The following SPOCK3 variants were observed in gnomAD, a reference collection of about 807,000 sequenced individuals.
SPOCK3 encodes the protein testican-3.
SPOCK3 carries 30 observed loss-of-function variants against 56.6 expected under a neutral mutation model. That is an observed-to-expected ratio of 0.53 (90% CI 0.40 to 0.72). The LOEUF is 0.72. Ranked by LOEUF, SPOCK3 falls within the 30% of genes least tolerant of loss-of-function variation. The pLI, the probability that SPOCK3 is intolerant of heterozygous loss-of-function variation, is 0.00. For synonymous variants in SPOCK3, 196 were observed against 183.3 expected, an observed-to-expected ratio of 1.07 and a Z score of -0.56; for missense variants, 527 against 530.0, an observed-to-expected ratio of 0.99 and a Z score of 0.06.
intron 2 of SPOCK3, among the ~76,000 whole-genome samples, chr4:167,079,849 T>C (rs970071422): frequency 6.6e-6 from 1 of 152,032 alleles, no homozygotes; most frequent in African/African-American, 2.4e-5. Flanking sequence ...CTTGGTGATA[T>C]GATATTTAAA....
At chr4:166,927,175 T>G (rs1272273618) in intron 4 of SPOCK3, among the ~76,000 whole-genome samples, 1 of 152,210 alleles carries the variant, frequency 6.6e-6, no homozygotes, top group East Asian at 1.9e-4. Context: ...ACCTGACTAG[T>G]AAAATTATCC....
At chr4:167,085,462 T>A (rs866509958) in intron 2 of SPOCK3, among the ~76,000 whole-genome samples, 1 of 152,266 alleles carries the variant, frequency 6.6e-6, no homozygotes. Flanking sequence ...TAAGAGGTCA[T>A]GAATTTGGTG....
intron 3 of SPOCK3, among the ~76,000 whole-genome samples, chr4:167,004,656 G>A (rs1232056833): frequency 5.3e-5 from 8 of 152,160 alleles, no homozygotes; most frequent in Non-Finnish European, 1.2e-4. Flanking sequence ...AGATAAATGG[G>A]TGTGAAGATG....
chr4:167,223,253 AAT>A (rs1736240259), intron 2 of SPOCK3, among the ~76,000 whole-genome samples: 2 of 141,412 alleles, frequency 1.4e-5, no homozygotes, highest in African/African-American at 2.6e-5. Flanking sequence ...TTCATTTATA[AAT>A]ATATGTATAT....
At chr4:167,080,699 CAT>C (rs1757622637) in intron 2 of SPOCK3, among the ~76,000 whole-genome samples, 1 of 151,832 alleles carries the variant, frequency 6.6e-6, no homozygotes, top group Admixed American at 6.6e-5. Context: ...TGATGGTAGT[CAT>C]ACTATCTACC....
intron 2 of SPOCK3, among the ~76,000 whole-genome samples, chr4:167,116,880 T>C (rs1460407538): frequency 1.5e-5 from 2 of 137,156 alleles, no homozygotes; most frequent in Non-Finnish European, 3.1e-5. Flanking sequence ...TATACTTTTG[T>C]ATATATACAT....
intron 3 of SPOCK3, among the ~76,000 whole-genome samples, chr4:167,037,494 G>C: frequency 7.1e-6 from 1 of 141,828 alleles, no homozygotes; most frequent in African/African-American, 2.6e-5. Flanking sequence ...AAAAGAAGAA[G>C]AAAAAAAAAA....
rs1175635304 is a variant in SPOCK3, at chr4:167,062,550, AT to A, written c.190-14del. ...GGAAATAATCATCCTAAGGGGGAAA[AT>A]AATGTGAATTGAGTGTATACAAGTA... On this transcript the variant is annotated splice_polypyrimidine_tract_variant and intron_variant, in intron 2 of 10. Coordinates refer to ENST00000357545, the MANE Select transcript of SPOCK3 (RefSeq NM_001040159.2). 4 of 1,597,204 alleles carry A rather than the reference AT, an allele frequency of 2.5e-6. No homozygotes were observed. Among genetic ancestry groups the A allele is most frequent in the Non-Finnish European group, 3.4e-6 (4 of 1,167,316 alleles).
At chr4:166,911,335 G>A (rs1737244570) in intron 5 of SPOCK3, among the ~76,000 whole-genome samples, 1 of 152,034 alleles carries the variant, frequency 6.6e-6, no homozygotes, top group Non-Finnish European at 1.5e-5. Flanking sequence ...GGAAGTTTTG[G>A]GGAAATATTT....
chr4:166,924,905 G>A (rs924084041), intron 4 of SPOCK3, among the ~76,000 whole-genome samples: 4 of 152,154 alleles, frequency 2.6e-5, no homozygotes, highest in African/African-American at 9.7e-5. Context: ...TGTTTCTCTT[G>A]TTAGAAGTTT....
chr4:167,017,344 G>T (rs147417981), intron 3 of SPOCK3, among the ~76,000 whole-genome samples: 92 of 152,166 alleles, frequency 6.0e-4, no homozygotes, highest in African/African-American at 2.1e-3. Context: ...CAGTCAAAAG[G>T]AAATCTTTGT....
Position 167,189,728 on chromosome 4 carries a change from C to T in SPOCK3, c.189+44257G>A, listed in dbSNP as rs1005093066. 9.6e-5 allele frequency among the ~76,000 whole-genome samples: 14 copies of T among 145,458 alleles called. 1 individual carries two copies. In the South Asian group the frequency reaches 1.1e-3, roughly 11 times the overall value. ...ACTCACACACTGTACATTAAATCCC[C>T]AGAACTTTTTCATCTCATAATTGAA... On this transcript the variant is annotated intron_variant, in intron 2 of 10. Transcript: ENST00000357545.
intron 2 of SPOCK3, among the ~76,000 whole-genome samples, chr4:167,156,017 A>G (rs544667436): frequency 1.3e-5 from 2 of 152,278 alleles, no homozygotes; most frequent in South Asian, 2.1e-4. Flanking sequence ...TAAAAAAAAA[A>G]GTTGTTCTAG....
chr4:166,749,339 G>C (rs1212323811), intron 8 of SPOCK3, among the ~76,000 whole-genome samples: 1 of 77,576 alleles, frequency 1.3e-5, no homozygotes, highest in East Asian at 2.4e-4. Flanking sequence ...CCTTTGTAGG[G>C]ACATGGATGA....
At chr4:166,762,577 G>T (rs2124457) in intron 7 of SPOCK3, among the ~76,000 whole-genome samples, 1 of 151,822 alleles carries the variant, frequency 6.6e-6, no homozygotes, top group Non-Finnish European at 1.5e-5. Context: ...CAGTTTGGAG[G>T]ATGCAGAAGT....
chr4:166,835,541 T>A (rs2126808803), intron 6 of SPOCK3, among the ~76,000 whole-genome samples: 1 of 152,314 alleles, frequency 6.6e-6, no homozygotes, highest in East Asian at 1.9e-4. Flanking sequence ...CCTTCACTAT[T>A]CCTCTTCTGT....
chr4:166,908,956 A>AT (rs1323695089), intron 5 of SPOCK3, among the ~76,000 whole-genome samples: 1 of 152,006 alleles, frequency 6.6e-6, no homozygotes, highest in Non-Finnish European at 1.5e-5. Context: ...GACTAACTAT[A>AT]TTTTTATTTT....
At chr4:166,859,537 G>C (rs946478548) in intron 6 of SPOCK3, among the ~76,000 whole-genome samples, 3 of 152,030 alleles carry the variant, frequency 2.0e-5, no homozygotes, top group Admixed American at 6.6e-5. Context: ...TACAACATAT[G>C]ATAAACAGTG....
chr4:167,069,567 C>G (rs1756476182), intron 2 of SPOCK3, among the ~76,000 whole-genome samples: 1 of 151,890 alleles, frequency 6.6e-6, no homozygotes, highest in African/African-American at 2.4e-5. Context: ...TGGAAGGTCT[C>G]CAGGCCATAC....
Sources: gnomAD v4.1 joint callset for allele counts (sites outside exome capture counted in the v4.1 genomes callset) on GRCh38, gnomAD v4.1.1 for gene constraint, MANE v1.5 for transcripts, NCBI Gene and HGNC (gene_info 2026-07-23, HGNC 2026-07-21) for gene names.